Variants in LRRK2 observed in about 807,000 individuals in gnomAD.
LRRK2 encodes leucine rich repeat kinase 2.
Under a neutral mutation model 302.6 loss-of-function variants are expected in LRRK2, and 203 were observed. That is an observed-to-expected ratio of 0.67 (90% CI 0.60 to 0.75). The LOEUF is 0.75. Among genes scored for constraint, LRRK2 ranks in the 30% least tolerant of loss-of-function variants. The pLI, the probability that LRRK2 is intolerant of heterozygous loss-of-function variation, is 0.00. For missense variants in LRRK2, 2,830 were observed against 2,951.0 expected (o/e 0.96, Z 0.95); for synonymous variants, 1,066 against 1,031.9 (o/e 1.03, Z -0.63).
intron 2 of LRRK2, 45 bp downstream of exon 2, chr12:40,225,685 G>C (rs971738090): frequency 1.3e-6 from 2 of 1,531,858 alleles, no homozygotes; most frequent in African/African-American, 2.7e-5. Flanking sequence ...CTTCTGTTTG[G>C]AAGGAGACGT....
At chr12:40,245,001 A>G (rs996912720) in intron 7 of LRRK2, among the ~76,000 whole-genome samples, 15 of 132,192 alleles carry the variant, frequency 1.1e-4, no homozygotes, top group African/African-American at 4.1e-4. Context: ...TGCAAGAGTG[A>G]AAAAAAAAAA....
intron 33 of LRRK2, 34 bp from the exon 34 acceptor site, chr12:40,319,954 A>G: frequency 6.3e-7 from 1 of 1,575,720 alleles, no homozygotes; most frequent in Non-Finnish European, 8.6e-7. Flanking sequence ...CAGAAAATAA[A>G]TTTTAGTGAT....
At chr12:40,307,443 T>G (rs982018442) in intron 28 of LRRK2, among the ~76,000 whole-genome samples, 4 of 152,152 alleles carry the variant, frequency 2.6e-5, no homozygotes, top group African/African-American at 9.6e-5. Context: ...GTTTTTTAGC[T>G]ACCTAAACAC....
intron 47 of LRRK2, among the ~76,000 whole-genome samples, chr12:40,361,340 A>G (rs764616405): frequency 1.2e-4 from 18 of 152,054 alleles, no homozygotes; most frequent in African/African-American, 3.6e-4. Context: ...AATGTCTTTT[A>G]TTATTTTTAT....
At chr12:40,225,503 G>C in intron 1 of LRRK2, 52 bp from the exon 2 acceptor site, 1 of 1,473,746 alleles carries the variant, frequency 6.8e-7, no homozygotes, top group Non-Finnish European at 9.5e-7. Context: ...AAAGGAGAGG[G>C]GGTGCTGTGG....
rs778369260 is a variant in LRRK2 at position 40,274,911 on chromosome 12, T to G, written c.1859T>G (p.Phe620Cys). 6.2e-7 allele frequency: 1 copy of G among 1,613,552 alleles called. No homozygotes were observed. The highest frequency in any genetic ancestry group is 1.1e-5 in the South Asian group (1 of 91,074). The change falls in exon 16 of 51, where the codon TTC becomes TGC. Residue 620 changes from phenylalanine (F) to cysteine (C), a missense_variant. Physicochemically the swap from Phe to Cys is radical, Grantham distance 205. This residue lies in a region of LRRK2 where 2,121 missense variants were observed against 2,148.0 expected (regional missense o/e 0.99). Coordinates refer to ENST00000298910, the MANE Select transcript of LRRK2 (RefSeq NM_198578.4). ...IGYLITKKNVFIGTGHLLAKI... is the reference protein window; with the variant it reads ...IGYLITKKNVCIGTGHLLAKI... ...TACTTGATTACAAAGAAGAATGTGT[T>G]CATAGGAACTGGACATCTGCTGGCA...
chr12:40,267,432 G>A (rs1195499817), intron 14 of LRRK2, among the ~76,000 whole-genome samples: 1 of 152,294 alleles, frequency 6.6e-6, no homozygotes, highest in African/African-American at 2.4e-5. Context: ...TTCATGGTGA[G>A]TGTTGGTGAA....
chr12:40,284,492 T>C (rs948340407), intron 19 of LRRK2, among the ~76,000 whole-genome samples: 1 of 152,022 alleles, frequency 6.6e-6, no homozygotes, highest in Non-Finnish European at 1.5e-5. Flanking sequence ...GTAATTAATA[T>C]GGATATTTTT....
At chr12:40,250,000 G>C in intron 8 of LRRK2, 55 bp downstream of exon 8, 1 of 1,599,738 alleles carries the variant, frequency 6.3e-7, no homozygotes, top group Non-Finnish European at 8.5e-7. Flanking sequence ...CATCAAATAT[G>C]AACATTGTAA....
At chr12:40,326,893 C>A (rs1945568450) in intron 38 of LRRK2, among the ~76,000 whole-genome samples, 1 of 152,118 alleles carries the variant, frequency 6.6e-6, no homozygotes, top group Non-Finnish European at 1.5e-5. Flanking sequence ...AATAGAAATA[C>A]AAGACATGCT....
chr12:40,272,074 T>C (rs1943251936), intron 14 of LRRK2, among the ~76,000 whole-genome samples: 1 of 152,140 alleles, frequency 6.6e-6, no homozygotes, highest in Non-Finnish European at 1.5e-5. Flanking sequence ...TTTCAGGGCG[T>C]AGTATAAAAT....
chr12:40,356,214 A>T, intron 46 of LRRK2, 27 bp downstream of exon 46: 1 of 1,528,262 alleles, frequency 6.5e-7, no homozygotes, highest in Non-Finnish European at 9.0e-7. Flanking sequence ...TTCTACATCT[A>T]AATTTATTTT....
In LRRK2 at chr12:40,232,254, T is replaced by C; in HGVS notation, c.238-20T>C. Reference sequence around the variant, plus strand: ...TAACATTCTTTAAAACATGTGAATATATGTCTTTCTTGTTTTCAGGTGGGT... The same window carrying C: ...TAACATTCTTTAAAACATGTGAATACATGTCTTTCTTGTTTTCAGGTGGGT... On this transcript the variant is annotated intron_variant, in intron 2 of 50. Coordinates refer to ENST00000298910, the MANE Select transcript of LRRK2 (RefSeq NM_198578.4). 1 of 1,534,722 alleles carries C rather than the reference T, an allele frequency of 6.5e-7. No homozygotes were observed. The highest frequency in any genetic ancestry group is 1.4e-5 in the African/African-American group (1 of 73,388).
chr12:40,238,254 G>C (rs1356963562), intron 5 of LRRK2, 151 bp downstream of exon 5: 4 of 784,510 alleles, frequency 5.1e-6, no homozygotes, highest in Non-Finnish European at 8.0e-6. Flanking sequence ...GAGGAATGGG[G>C]TTAATTCAGA....
In LRRK2 at chr12:40,253,032, T is replaced by G. The variant is rs749791181; in HGVS notation, c.1288+16T>G. 3.3e-6 allele frequency: 5 copies of G among 1,521,966 alleles called. No homozygotes were observed. In the East Asian group the frequency reaches 1.1e-4, roughly 34 times the overall value. 94.3% of individuals were successfully genotyped at this position (1,521,966 alleles called of 1,614,324 possible). A position where few individuals can be genotyped will look rare whatever the true frequency, so the allele number is the denominator to read the frequency against. ...GAACAAAATGGTAAGCAGTGGGCCATGTTTTCAAATAAAGGGAAACACATT... is the reference window on the plus strand; with the variant it reads ...GAACAAAATGGTAAGCAGTGGGCCAGGTTTTCAAATAAAGGGAAACACATT... On this transcript the variant is annotated intron_variant, in intron 11 of 50. Transcript: ENST00000298910.
chr12:40,295,268 A>G (rs1325209434), intron 22 of LRRK2, among the ~76,000 whole-genome samples, 159 bp from the exon 23 acceptor site: 1 of 151,204 alleles, frequency 6.6e-6, no homozygotes, highest in Non-Finnish European at 1.5e-5. Flanking sequence ...TTTACTGTTC[A>G]TCTCTGCCAC....
In LRRK2 at chr12:40,359,370, A is replaced by T. The variant is rs1467052487; in HGVS notation, c.6954A>T (p.Gly2318=). 1 of 1,613,362 alleles carries T rather than the reference A, an allele frequency of 6.2e-7. No homozygotes were observed. The highest frequency in any genetic ancestry group is 8.5e-7 in the Non-Finnish European group (1 of 1,179,590). Residue 2318 remains glycine (G), a synonymous_variant, in exon 47 of 51, where the codon GGA becomes GGT. Coordinates refer to ENST00000298910, the MANE Select transcript of LRRK2 (RefSeq NM_198578.4). ...CGGAAAGAAATGTAATGTGGGGAGGATGTGGCACAAAGATTTTCTCCTTTT... is the reference window on the plus strand; with the variant it reads ...CGGAAAGAAATGTAATGTGGGGAGGTTGTGGCACAAAGATTTTCTCCTTTT... The part of the protein sequence containing the change: ...NSTERNVMWG[G]CGTKIFSFSN...
rs190852146 is a variant in LRRK2 at position 40,243,729 on chromosome 12, T to C, written c.838+48T>C. ...CATCACACACTGTATGATATACATA[T>C]ACATATAAAACATATATATGTTGCA... On this transcript the variant is annotated intron_variant, in intron 7 of 50. Coordinates refer to ENST00000298910, the MANE Select transcript of LRRK2 (RefSeq NM_198578.4). 434 of 1,546,590 alleles carry C rather than the reference T, an allele frequency of 2.8e-4. 2 individuals are homozygous for C. The highest frequency in any genetic ancestry group is 3.0e-4 in the Non-Finnish European group (331 of 1,121,866).
intron 31 of LRRK2, chr12:40,312,936 G>T (rs1258926423): frequency 6.8e-6 from 1 of 147,880 alleles, no homozygotes; most frequent in Non-Finnish European, 1.5e-5. Context: ...TAATTCTCTG[G>T]GTTAAGAGAT....
Sources: allele counts gnomAD v4.1 joint callset (sites outside exome capture counted in the v4.1 genomes callset), GRCh38; gene constraint gnomAD v4.1.1; regional missense constraint gnomAD v4.1.1; transcripts MANE v1.5; gene names NCBI Gene and HGNC (gene_info 2026-07-23, HGNC 2026-07-21).